ZNF675: variants seen among roughly 807,000 people sequenced by gnomAD.
ZNF675 encodes the protein TRAF6 inhibitory zinc finger.
ZNF675 carries 36 observed loss-of-function variants against 56.1 expected under a neutral mutation model. That is an observed-to-expected ratio of 0.64 (90% CI 0.49 to 0.85). ZNF675 has a LOEUF of 0.85. Ranked by LOEUF, ZNF675 falls within the 40% of genes least tolerant of loss-of-function variation. The pLI, the probability that ZNF675 is intolerant of heterozygous loss-of-function variation, is 0.00. For missense variants in ZNF675, 663 were observed against 654.2 expected (o/e 1.01, Z -0.15); for synonymous variants, 200 against 218.9 (o/e 0.91, Z 0.76).
chr19:23,676,135 C>T (rs1437986515), intron 1 of ZNF675, among the ~76,000 whole-genome samples: 1 of 151,460 alleles, frequency 6.6e-6, no homozygotes, highest in Non-Finnish European at 1.5e-5. Flanking sequence ...CAAATACCTC[C>T]TCCCTAGACT....
intron 3 of ZNF675, among the ~76,000 whole-genome samples, chr19:23,658,969 A>AGATC (rs1165219087): frequency 3.4e-5 from 5 of 145,654 alleles, no homozygotes; most frequent in African/African-American, 1.3e-4. Flanking sequence ...CTATAGATAG[A>AGATC]TATAGATCTA....
chr19:23,660,944 T>C (rs1158699817), intron 3 of ZNF675, among the ~76,000 whole-genome samples: 1 of 151,532 alleles, frequency 6.6e-6, no homozygotes, highest in East Asian at 1.9e-4. Flanking sequence ...TTTTTTTTTT[T>C]TTTTGAGACG....
At chr19:23,673,186 T>G (rs1352275626) in intron 1 of ZNF675, among the ~76,000 whole-genome samples, 1 of 152,166 alleles carries the variant, frequency 6.6e-6, no homozygotes, top group African/African-American at 2.4e-5. Context: ...AGATTCAGAA[T>G]TTGGAGCTGC....
At chr19:23,686,735 C>G (rs1213102696) in intron 1 of ZNF675, among the ~76,000 whole-genome samples, 2 of 152,194 alleles carry the variant, frequency 1.3e-5, no homozygotes, top group Non-Finnish European at 2.9e-5. Context: ...TGACGGCCCT[C>G]CTGTGGTCCC....
intron 1 of ZNF675, among the ~76,000 whole-genome samples, chr19:23,665,662 A>AT (rs1400277773): frequency 2.6e-5 from 4 of 151,914 alleles, no homozygotes; most frequent in Non-Finnish European, 5.9e-5. Context: ...CAAGCAGCTA[A>AT]TTTTTTGTGT....
At chr19:23,658,314 T>A (rs967527716) in intron 3 of ZNF675, 25 of 151,200 alleles carry the variant, frequency 1.7e-4, no homozygotes, top group Non-Finnish European at 1.9e-4. Flanking sequence ...TGAGTCAAGA[T>A]TGCACCATTG....
At chr19:23,668,944 C>A (rs7246480) in intron 1 of ZNF675, among the ~76,000 whole-genome samples, 147,912 of 152,260 alleles carry the variant, frequency 0.97, 72,009 homozygotes, top group Middle Eastern at 1. Context: ...GGAGTCGGCT[C>A]CGGCCTTGGC....
At chr19:23,665,975 A>G (rs1968145582) in intron 1 of ZNF675, among the ~76,000 whole-genome samples, 1 of 152,180 alleles carries the variant, frequency 6.6e-6, no homozygotes, top group South Asian at 2.1e-4. Flanking sequence ...TGGCTCTTTA[A>G]AGTTTACAGA....
At chr19:23,666,911 C>T (rs11085599) in intron 1 of ZNF675, among the ~76,000 whole-genome samples, 131,487 of 151,966 alleles carry the variant, frequency 0.87, 57,345 homozygotes, top group Non-Finnish European at 0.92. Flanking sequence ...TGAGACCTTT[C>T]GTCTGTTTGT....
At chr19:23,661,929 T>C in intron 3 of ZNF675, 185 bp downstream of exon 3, 2 of 515,340 alleles carry the variant, frequency 3.9e-6, no homozygotes, top group East Asian at 6.6e-5. Context: ...AACAGAAACC[T>C]TAGAGAATTT....
intron 3 of ZNF675, among the ~76,000 whole-genome samples, chr19:23,658,951 C>A (rs1236389025): frequency 0.16 from 1,597 of 10,284 alleles, 35 homozygotes; most frequent in East Asian, 0.42. Context: ...ATATAGATCT[C>A]TAGAGATCTA....
Position 23,682,338 on chromosome 19 carries a change from A to C in ZNF675, c.3+4693T>G, listed in dbSNP as rs890716516. ...TGTTTTCTCCCCTCTGTGGAAAAAA[A>C]GTCTGCCTGAACTTTGCAATAATAG... is the stretch of plus-strand genomic sequence containing the variant. On this transcript the variant is annotated intron_variant, in intron 1 of 3. Coordinates refer to ENST00000359788, the MANE Select transcript of ZNF675 (RefSeq NM_138330.3). Among the ~76,000 whole-genome samples the C allele has an allele frequency of 2.2e-4, 34 of 151,940 alleles. 1 individual carries two copies. The highest frequency in any genetic ancestry group is 7.5e-4 in the African/African-American group (31 of 41,228).
chr19:23,670,333 A>G (rs1196772227), intron 1 of ZNF675, among the ~76,000 whole-genome samples: 2 of 152,146 alleles, frequency 1.3e-5, no homozygotes, highest in Non-Finnish European at 2.9e-5. Context: ...CTATCCTGCA[A>G]TCAGGCCTAT....
At chr19:23,679,188 A>G (rs113600585) in intron 1 of ZNF675, among the ~76,000 whole-genome samples, 10,010 of 144,028 alleles carry the variant, frequency 0.07, 545 homozygotes, top group East Asian at 0.23. Flanking sequence ...AAAAAAGAGA[A>G]CAAAAATTAA....
Position 23,687,125 on chromosome 19 carries a change from G to A in ZNF675, c.-92C>T, listed in dbSNP as rs1320111653. The stretch of plus-strand genomic sequence containing the variant: ...CACAGAGGCTGGACCTCTAGGAGCA[G>A]AGGACACAGAGCAATGAAAGCGAGA... On this transcript the variant is annotated 5_prime_UTR_variant, in exon 1 of 4. Coordinates refer to ENST00000359788, the MANE Select transcript of ZNF675 (RefSeq NM_138330.3). 2.4e-5 allele frequency: 37 copies of A among 1,510,930 alleles called. No individual in the cohort carries two copies. Among genetic ancestry groups the A allele is most frequent in the Non-Finnish European group, 6.4e-6 (7 of 1,089,542 alleles). 93.6% of individuals were successfully genotyped at this position (1,510,930 alleles called of 1,614,324 possible). A position where few individuals can be genotyped will look rare whatever the true frequency, so the allele number is the denominator to read the frequency against.
At chr19:23,664,412 G>A (rs1968122404) in intron 1 of ZNF675, among the ~76,000 whole-genome samples, 1 of 151,888 alleles carries the variant, frequency 6.6e-6, no homozygotes, top group Non-Finnish European at 1.5e-5. Context: ...GGAACCATGA[G>A]CTGCTCCACG....
At chr19:23,666,014 A>C (rs1297293199) in intron 1 of ZNF675, among the ~76,000 whole-genome samples, 1 of 152,228 alleles carries the variant, frequency 6.6e-6, no homozygotes, top group Non-Finnish European at 1.5e-5. Flanking sequence ...CATCTAAATA[A>C]GTCTGCATGT....
chr19:23,660,489 T>C (rs1333294446), intron 3 of ZNF675, among the ~76,000 whole-genome samples: 1 of 152,132 alleles, frequency 6.6e-6, no homozygotes, highest in South Asian at 2.1e-4. Flanking sequence ...AAACAGTACA[T>C]TAAAACTTGT....
Position 23,687,159 on chromosome 19 carries a change from T to C in ZNF675, c.-126A>G, listed in dbSNP as rs1483740132. ...GAGCAATGAAAGCGAGACCTGGAGC[T>C]CCGGCTGCAGCGAGAGACAAAGGCG... On this transcript the variant is annotated 5_prime_UTR_variant, in exon 1 of 4. Transcript: ENST00000359788. The C allele has an allele frequency of 6.7e-6, 8 of 1,195,956 alleles. No individual in the cohort carries two copies. The highest frequency in any genetic ancestry group is 2.0e-5 in the Admixed American group (1 of 50,234). The allele number at this position is 1,195,956 out of a possible 1,614,324, so 74.1% of individuals were successfully genotyped here. A position where few individuals can be genotyped will look rare whatever the true frequency, so the allele number is the denominator to read the frequency against.
Sources: allele counts gnomAD v4.1 joint callset (sites outside exome capture counted in the v4.1 genomes callset), GRCh38; gene constraint gnomAD v4.1.1; transcripts MANE v1.5; gene names NCBI Gene and HGNC (gene_info 2026-07-23, HGNC 2026-07-21).